The following GPR35 variants were observed in gnomAD, a reference collection of about 807,000 sequenced individuals.
The protein encoded by GPR35 is KYNA receptor.
For synonymous variants in GPR35, 207 were observed against 198.4 expected, an observed-to-expected ratio of 1.04 and a Z score of -0.36; for missense variants, 372 against 422.5, an observed-to-expected ratio of 0.88 and a Z score of 1.05.
chr2:240,630,971 C>T lies in GPR35; in HGVS notation c.*89C>T, dbSNP rs2043441248. ...GAAGCTGGAACCAGTAGCAAGGAGCCCGAGATCAGCCCTGAACTCACTGTG... is the reference window on the plus strand; with the variant it reads ...GAAGCTGGAACCAGTAGCAAGGAGCTCGAGATCAGCCCTGAACTCACTGTG... On this transcript the variant is annotated 3_prime_UTR_variant, in exon 2 of 2. Transcript: ENST00000407714. 1 of 1,137,730 alleles carries T rather than the reference C, an allele frequency of 8.8e-7. No individual in the cohort carries two copies. Among genetic ancestry groups the T allele is most frequent in the Non-Finnish European group, 1.3e-6 (1 of 776,196 alleles). 70.5% of individuals were successfully genotyped at this position (1,137,730 alleles called of 1,614,324 possible).
chr2:240,608,352 T>C (rs913709777), intron 2 of GPR35, among the ~76,000 whole-genome samples: 1 of 152,226 alleles, frequency 6.6e-6, no homozygotes, highest in Non-Finnish European at 1.5e-5. Context: ...CTGAGTATAG[T>C]GAGAAAGTTT....
At position 240,630,950 on chromosome 2, in the gene GPR35, C is replaced by A; in HGVS notation, c.*68C>A. 1 of 1,367,920 alleles carries A rather than the reference C, an allele frequency of 7.3e-7. No individual in the cohort carries two copies. Among genetic ancestry groups the A allele is most frequent in the Non-Finnish European group, 1.0e-6 (1 of 978,500 alleles). The allele number at this position is 1,367,920 out of a possible 1,614,324, so 84.7% of individuals were successfully genotyped here. ...GGGAGGTGCTGCCTGCCAGGGGAAG[C>A]TGGAACCAGTAGCAAGGAGCCCGAG... On this transcript the variant is annotated 3_prime_UTR_variant, in exon 2 of 2. Transcript: ENST00000407714.
chr2:240,630,348 G>A lies in GPR35; in HGVS notation c.396G>A (p.Gln132=), dbSNP rs779070912. 5 of 1,602,600 alleles carry A rather than the reference G, an allele frequency of 3.1e-6. No homozygotes were observed. Among genetic ancestry groups the A allele is most frequent in the Non-Finnish European group, 3.4e-6 (4 of 1,177,512 alleles). The change falls in exon 2 of 2, where the codon CAG becomes CAA. Residue 132 remains glutamine, a synonymous_variant. Transcript: ENST00000407714. ...LRARGLRSPR[Q]AAAVCAVLWV... is the part of the protein sequence containing the mutation. ...CCCGCGGGCTGCGGTCCCCCAGGCA[G>A]GCTGCGGCCGTGTGCGCGGTCCTCT...
chr2:240,625,615 A>G (rs1296391320), intron 1 of GPR35, 47 bp downstream of exon 1: 6 of 857,044 alleles, frequency 7.0e-6, no homozygotes, highest in Non-Finnish European at 8.2e-6. Flanking sequence ...GGGCAGGGGC[A>G]TGGTGGGGGT....
chr2:240,617,087 C>T (rs1294839658), intron 3 of GPR35: 4 of 714,436 alleles, frequency 5.6e-6, no homozygotes, highest in Admixed American at 2.0e-5. Flanking sequence ...ACTCTACCAA[C>T]AGCCACCTGG....
At chr2:240,620,777 C>A (rs1319819126), upstream of GPR35, among the ~76,000 whole-genome samples, 1 of 152,198 alleles carries the variant, frequency 6.6e-6, no homozygotes, top group African/African-American at 2.4e-5. Context: ...AGGACCCCTG[C>A]CCGCTACCTC....
At chr2:240,615,466 C>T (rs1285379391) in intron 2 of GPR35, among the ~76,000 whole-genome samples, 1 of 152,232 alleles carries the variant, frequency 6.6e-6, no homozygotes, top group Non-Finnish European at 1.5e-5. Flanking sequence ...GGGTGTTTGG[C>T]CACCTTTGGT....
upstream of GPR35, among the ~76,000 whole-genome samples, chr2:240,620,932 G>A (rs1178991119): frequency 6.6e-6 from 1 of 152,220 alleles, no homozygotes; most frequent in Non-Finnish European, 1.5e-5. Flanking sequence ...CTGGTCCCCA[G>A]CCCCTCACAG....
exon 4 of GPR35, chr2:240,617,234 C>T (rs1008949127): frequency 1.1e-5 from 7 of 644,082 alleles, no homozygotes; most frequent in South Asian, 5.7e-5. Context: ...TGAATCTCCT[C>T]GTAGCTGAGC....
At chr2:240,628,001 T>G (rs2043397646) in intron 1 of GPR35, 1 of 152,140 alleles carries the variant, frequency 6.6e-6, no homozygotes, top group Non-Finnish European at 1.5e-5. Flanking sequence ...AGAATCGCCC[T>G]CTAGCTGTGC....
At chr2:240,616,438 T>G (rs781023455) in exon 3 of GPR35, 3 of 780,734 alleles carry the variant, frequency 3.8e-6, no homozygotes, top group Non-Finnish European at 4.8e-6. Flanking sequence ...AAGTCCAGCC[T>G]GTATGGCTGG....
rs749018043 is a variant in GPR35, at chr2:240,630,449, C to G, written c.497C>G (p.Thr166Ser). ...IQEGGFCFRSTRHNFNSMAFP... is the reference protein window; with the variant it reads ...IQEGGFCFRSSRHNFNSMAFP... ...GAGGGCGGCTTCTGCTTCAGGAGCA[C>G]CCGGCACAATTTCAACTCCATGGCG... The change falls in exon 2 of 2, where the codon ACC (threonine) becomes AGC (serine). Residue 166 changes from threonine to serine, a missense_variant. By Grantham distance (58) the Thr-to-Ser change is moderately conservative. Transcript: ENST00000407714. 6.2e-7 allele frequency: 1 copy of G among 1,612,900 alleles called. No homozygotes were observed.
intron 2 of GPR35, among the ~76,000 whole-genome samples, chr2:240,608,988 A>G (rs370550177): frequency 4.2e-4 from 64 of 152,306 alleles, no homozygotes; most frequent in African/African-American, 1.5e-3. Context: ...TTTCCATTTC[A>G]TCAAGATGTC....
upstream of GPR35, among the ~76,000 whole-genome samples, chr2:240,622,848 G>C (rs936032800): frequency 6.6e-6 from 1 of 152,230 alleles, no homozygotes; most frequent in Non-Finnish European, 1.5e-5. Context: ...AGCAGAGGCT[G>C]GGGGCGGAGG....
chr2:240,623,055 ACCGT>A (rs1227531009), upstream of GPR35, among the ~76,000 whole-genome samples: 7 of 118,992 alleles, frequency 5.9e-5, no homozygotes, highest in Non-Finnish European at 1.1e-4. Flanking sequence ...ACCCCAGGCG[ACCGT>A]GCCTGAGCCG....
upstream of GPR35, among the ~76,000 whole-genome samples, chr2:240,621,442 A>G (rs535544865): frequency 6.6e-6 from 1 of 152,144 alleles, no homozygotes; most frequent in African/African-American, 2.4e-5. Flanking sequence ...TTTAGTAGAG[A>G]TGGGGTTTCA....
At chr2:240,619,979 G>T (rs1470767564) in intron 5 of GPR35, among the ~76,000 whole-genome samples, 4 of 152,236 alleles carry the variant, frequency 2.6e-5, no homozygotes, top group Non-Finnish European at 5.9e-5. Context: ...CAGAGAGCTG[G>T]CAGTTGAAGG....
exon 2 of GPR35, chr2:240,606,600 C>T (rs905797660): frequency 2.0e-5 from 3 of 152,314 alleles, no homozygotes; most frequent in African/African-American, 7.2e-5. Context: ...TAGGGAGGAC[C>T]GTCTGCACAA....
chr2:240,613,386 G>A (rs1188168474), intron 2 of GPR35, among the ~76,000 whole-genome samples: 1 of 152,092 alleles, frequency 6.6e-6, no homozygotes, highest in African/African-American at 2.4e-5. Context: ...AAGGAGTGAA[G>A]AATCTCATCA....
Sources: allele counts gnomAD v4.1 joint callset (sites outside exome capture counted in the v4.1 genomes callset), GRCh38; gene constraint gnomAD v4.1.1; transcripts MANE v1.5; gene names NCBI Gene and HGNC (gene_info 2026-07-23, HGNC 2026-07-21).